TMEM196: variants seen among roughly 807,000 people sequenced by gnomAD.
TMEM196 encodes the protein transmembrane protein 196.
In TMEM196, 17 loss-of-function variants were observed where a neutral mutation model predicts 20.0. The observed-to-expected ratio is 0.85, with a 90% confidence interval of 0.58 to 1.27. The LOEUF (loss-of-function observed/expected upper bound fraction) is 1.27, where lower values mean the gene tolerates loss of function less well. Among genes scored for constraint, TMEM196 ranks in the 50% most tolerant of loss-of-function variants. The pLI is 0.00. For synonymous variants in TMEM196, 113 were observed against 88.9 expected (o/e 1.27, Z -1.52); for missense variants, 267 against 223.0 (o/e 1.20, Z -1.26).
intron 1 of TMEM196, among the ~76,000 whole-genome samples, chr7:19,735,644 G>A (rs1035461298): frequency 4.6e-5 from 7 of 152,120 alleles, no homozygotes; most frequent in Non-Finnish European, 1.0e-4. Flanking sequence ...TGATTACTGT[G>A]GAAGCAGATA....
At chr7:19,735,044 T>C (rs1327643496) in intron 1 of TMEM196, among the ~76,000 whole-genome samples, 1 of 152,178 alleles carries the variant, frequency 6.6e-6, no homozygotes, top group Non-Finnish European at 1.5e-5. Flanking sequence ...CTATGATGTG[T>C]TGAGTGGGAG....
intron 1 of TMEM196, among the ~76,000 whole-genome samples, chr7:19,762,575 A>G (rs902780634): frequency 6.6e-6 from 1 of 152,176 alleles, no homozygotes; most frequent in Admixed American, 6.5e-5. Flanking sequence ...CATTTTGCTT[A>G]TATTTTATGT....
At chr7:19,759,741 G>T (rs1023129278) in intron 1 of TMEM196, among the ~76,000 whole-genome samples, 2 of 151,950 alleles carry the variant, frequency 1.3e-5, no homozygotes, top group African/African-American at 4.8e-5. Context: ...TCATTTGCTT[G>T]ATCTCAAAAT....
intron 2 of TMEM196, among the ~76,000 whole-genome samples, chr7:19,727,924 T>G (rs1251922974): frequency 1.3e-5 from 2 of 152,158 alleles, no homozygotes; most frequent in African/African-American, 4.8e-5. Flanking sequence ...GAGTGAAATT[T>G]TTTTTTAATT....
intron 1 of TMEM196, among the ~76,000 whole-genome samples, chr7:19,736,539 G>A (rs1784415965): frequency 6.6e-6 from 1 of 151,354 alleles, no homozygotes; most frequent in Non-Finnish European, 1.5e-5. Context: ...TCCGGGGTAG[G>A]ACTCAGACAT....
At chr7:19,731,997 C>T (rs547901544) in intron 1 of TMEM196, among the ~76,000 whole-genome samples, 81 of 152,210 alleles carry the variant, frequency 5.3e-4, no homozygotes, top group Middle Eastern at 6.8e-3. Flanking sequence ...TGAGGAGGAT[C>T]TAAAAGATCT....
intron 1 of TMEM196, among the ~76,000 whole-genome samples, chr7:19,764,429 A>T (rs773522068): frequency 7.2e-5 from 11 of 152,138 alleles, no homozygotes; most frequent in African/African-American, 2.4e-4. Context: ...TTACATGAAC[A>T]TGTCTCACCC....
chr7:19,757,170 A>G (rs1387561806), intron 1 of TMEM196, among the ~76,000 whole-genome samples: 1 of 139,448 alleles, frequency 7.2e-6, no homozygotes, highest in African/African-American at 2.9e-5. Context: ...ATATTGCAGT[A>G]GATACTTTTT....
chr7:19,728,556 C>A (rs950061562), intron 2 of TMEM196, among the ~76,000 whole-genome samples: 1 of 152,142 alleles, frequency 6.6e-6, no homozygotes. Flanking sequence ...CAATGCTTCC[C>A]ATTCCCTGAT....
At position 19,773,390 on chromosome 7, in the gene TMEM196, C is replaced by G. The variant is rs1020675532; in HGVS notation, c.-694G>C. On this transcript the variant is annotated 5_prime_UTR_variant, in exon 1 of 5. Transcript: ENST00000405844. The stretch of plus-strand genomic sequence containing the variant: ...TCTTCTCCCTCGTCGTCGTCCTCTT[C>G]CTCCTCCTTTCTCTCGAGCTGATTC... 6.3e-6 allele frequency: 1 copy of G among 159,924 alleles called. No homozygotes were observed. The highest frequency in any genetic ancestry group is 1.5e-5 in the Non-Finnish European group (1 of 68,580). 9.9% of individuals were successfully genotyped at this position (159,924 alleles called of 1,614,324 possible).
intron 1 of TMEM196, among the ~76,000 whole-genome samples, chr7:19,754,978 A>G (rs189107719): frequency 1.1e-3 from 167 of 152,340 alleles, no homozygotes; most frequent in Non-Finnish European, 8.4e-4. Context: ...TTTTTATAAG[A>G]ATAAGGAGAC....
intron 1 of TMEM196, among the ~76,000 whole-genome samples, chr7:19,757,574 T>G (rs1785270289): frequency 6.6e-6 from 1 of 151,998 alleles, no homozygotes; most frequent in Non-Finnish European, 1.5e-5. Context: ...TAAACCCTCA[T>G]GTCCCCTCTA....
At chr7:19,760,061 A>G (rs1785373988) in intron 1 of TMEM196, among the ~76,000 whole-genome samples, 1 of 152,126 alleles carries the variant, frequency 6.6e-6, no homozygotes, top group African/African-American at 2.4e-5. Context: ...ATAAAGTTCT[A>G]ATTTTTACCC....
intron 2 of TMEM196, 115 bp from the exon 3 acceptor site, chr7:19,725,883 C>T (rs896848518): frequency 1.3e-5 from 17 of 1,293,634 alleles, no homozygotes; most frequent in East Asian, 1.3e-4. Flanking sequence ...GAAGAATAAG[C>T]GGTTTTGGTG....
rs958653666 is a variant in TMEM196 at position 19,772,667 on chromosome 7, G to A, written c.30C>T (p.Ser10=). The A allele has an allele frequency of 3.9e-6, 6 of 1,536,684 alleles. No individual in the cohort carries two copies. The African/African-American group carries it at 6.9e-5, about 18-fold the overall frequency. ...TCTCCAGCACGGAGAGCACCAAGAG[G>A]CTCCCAATAATCTGACCGCTGGTGC... The part of the protein sequence containing the change: MCTSGQIIG[S]LLVLSVLEIG... Residue 10 remains serine (S), a synonymous_variant, in exon 1 of 5, where the codon AGC becomes AGT. Transcript: ENST00000405844.
At chr7:19,759,982 T>C (rs561106281) in intron 1 of TMEM196, among the ~76,000 whole-genome samples, 1 of 152,322 alleles carries the variant, frequency 6.6e-6, no homozygotes, top group Admixed American at 6.5e-5. Context: ...ATCTTGTCCA[T>C]TTCCTGCTCA....
rs1210213965 is a variant in TMEM196 at position 19,725,623 on chromosome 7, C to A, written c.350G>T (p.Gly117Val). 1.2e-6 allele frequency: 2 copies of A among 1,614,054 alleles called. No individual in the cohort carries two copies. The highest frequency in any genetic ancestry group is 1.7e-4 in the Middle Eastern group (1 of 6,060). ...SMSLACIGIG[G>V]CTLSSWLTCR... ...AGTGAGCCAGGAAGAGAGAGTGCAG[C>A]CCCCGATCCCAATGCACGCGAGAGA... Residue 117 changes from glycine to valine, a missense_variant, in exon 3 of 5, where the codon GGC (glycine) becomes GTC (valine). Gly to Val is a moderately radical substitution (Grantham distance 109). Coordinates refer to ENST00000405844, the MANE Select transcript of TMEM196 (RefSeq NM_001363562.2).
chr7:19,738,612 C>G (rs771149394), intron 1 of TMEM196, among the ~76,000 whole-genome samples: 1 of 151,912 alleles, frequency 6.6e-6, no homozygotes, highest in Non-Finnish European at 1.5e-5. Context: ...ATGGAGCATA[C>G]AAACAAACAA....
intron 1 of TMEM196, among the ~76,000 whole-genome samples, chr7:19,766,063 T>C (rs1359959442): frequency 1.3e-5 from 2 of 152,134 alleles, no homozygotes; most frequent in East Asian, 1.9e-4. Flanking sequence ...TTTAGAAACA[T>C]CGTTTTCTGA....
Sources: allele counts gnomAD v4.1 joint callset (sites outside exome capture counted in the v4.1 genomes callset), GRCh38; gene constraint gnomAD v4.1.1; transcripts MANE v1.5; gene names NCBI Gene and HGNC (gene_info 2026-07-23, HGNC 2026-07-21).